Variants in RNF213 observed in about 807,000 individuals in gnomAD.
RNF213 encodes ring finger protein 213.
In RNF213, 341 loss-of-function variants were observed where a neutral mutation model predicts 514.4. That is an observed-to-expected ratio of 0.66 (90% CI 0.61 to 0.73). RNF213 has a LOEUF of 0.73. Among genes scored for constraint, RNF213 ranks in the 30% least tolerant of loss-of-function variants. The pLI, the probability that RNF213 is intolerant of heterozygous loss-of-function variation, is 0.00. For synonymous variants in RNF213, 2,655 were observed against 2,658.2 expected (o/e 1.00, Z 0.04); for missense variants, 5,767 against 6,615.6 (o/e 0.87, Z 4.45).
intron 3 of RNF213, among the ~76,000 whole-genome samples, chr17:80,276,708 C>T (rs2044070002): frequency 6.6e-6 from 1 of 151,888 alleles, no homozygotes; most frequent in Non-Finnish European, 1.5e-5. Flanking sequence ...AAATGTTAAA[C>T]GCTGCAGCCG....
At chr17:80,300,518 G>A (rs8067570) in intron 11 of RNF213, among the ~76,000 whole-genome samples, 32,382 of 151,656 alleles carry the variant, frequency 0.21, 3,941 homozygotes, top group African/African-American at 0.33. Flanking sequence ...TTCTAGGATT[G>A]CAGGCATGAG....
chr17:80,386,527 A>T (rs2080242398), intron 62 of RNF213, 97 bp downstream of exon 62: 2 of 1,458,428 alleles, frequency 1.4e-6, no homozygotes, highest in Admixed American at 1.8e-5. Flanking sequence ...CTTCCCTAAC[A>T]GACACTCACT....
intron 42 of RNF213, chr17:80,365,023 C>A (rs1195386792): frequency 4.3e-6 from 1 of 232,090 alleles, no homozygotes; most frequent in Admixed American, 5.2e-5. Flanking sequence ...ATGCCTGTCA[C>A]TCAACACCCT....
rs747847979 is a variant in RNF213, at chr17:80,385,106, A to C, written c.14390A>C (p.Gln4797Pro). ...GCCTTGCAAAGGGATCTAGTGAAGC[A>C]GTTCCAGAACGTCCAGCAAGTTGAA... is the stretch of plus-strand genomic sequence containing the variant. ...ILALQRDLVK[Q>P]FQNVQQVEYS... The change falls in exon 60 of 68, where the codon CAG (glutamine) becomes CCG (proline). Residue 4797 changes from glutamine (Q) to proline (P), a missense_variant. Physicochemically the swap from Gln to Pro is moderately conservative, Grantham distance 76 (BLOSUM62 -1). Coordinates refer to ENST00000582970, the MANE Select transcript of RNF213 (RefSeq NM_001256071.3). The C allele has an allele frequency of 1.2e-6, 2 of 1,614,196 alleles. No homozygotes were observed. The highest frequency in any genetic ancestry group is 1.7e-6 in the Non-Finnish European group (2 of 1,180,010).
chr17:80,362,719 T>C (rs770054373), intron 39 of RNF213, among the ~76,000 whole-genome samples: 1 of 152,246 alleles, frequency 6.6e-6, no homozygotes, highest in Admixed American at 6.5e-5. Context: ...TGGACAAATA[T>C]TTGGTTCACA....
chr17:80,356,738 C>G (rs908332827), intron 36 of RNF213, among the ~76,000 whole-genome samples: 40 of 152,208 alleles, frequency 2.6e-4, no homozygotes, highest in African/African-American at 9.4e-4. Flanking sequence ...CTTTTGTGTT[C>G]GCGACACTTT....
At position 80,334,195 on chromosome 17, in the gene RNF213, G is replaced by C. The variant is rs771417979; in HGVS notation, c.4234G>C (p.Glu1412Gln). ...CAAAAAGCTGCTCCAGGACATCAGCGAGGCCCGGTGCAAGGGGCTGCAGGC... is the reference window on the plus strand; with the variant it reads ...CAAAAAGCTGCTCCAGGACATCAGCCAGGCCCGGTGCAAGGGGCTGCAGGC... ...QAKKLLQDIS[E>Q]ARCKGLQALS... The change falls in exon 22 of 68, where the codon GAG (glutamate) becomes CAG (glutamine). Residue 1412 changes from glutamate to glutamine, a missense_variant. Around this residue, in one of 13 missense-constraint regions of RNF213, gnomAD observed 516 missense variants for 566.5 expected, o/e 0.91. Coordinates refer to ENST00000582970, the MANE Select transcript of RNF213 (RefSeq NM_001256071.3). 2 of 1,537,098 alleles carry C rather than the reference G, an allele frequency of 1.3e-6. No individual in the cohort carries two copies. Among genetic ancestry groups the C allele is most frequent in the African/African-American group, 2.7e-5 (2 of 73,036 alleles).
At chr17:80,325,976 G>A (rs1599028597) in intron 18 of RNF213, among the ~76,000 whole-genome samples, 3 of 145,104 alleles carry the variant, frequency 2.1e-5, no homozygotes, top group African/African-American at 8.0e-5. Flanking sequence ...TATTTATTTT[G>A]GAGATGGAGT....
chr17:80,292,044 A>C (rs1205028611), intron 8 of RNF213: 1 of 621,022 alleles, frequency 1.6e-6, no homozygotes, highest in Admixed American at 2.6e-5. Context: ...CTTTGAGCTC[A>C]GTGTGACTTA....
Position 80,275,176 on chromosome 17 carries a change from G to A in RNF213, c.261+1772G>A, listed in dbSNP as rs572165338. Among the ~76,000 whole-genome samples, 3 of 149,282 alleles carry A rather than the reference G, an allele frequency of 2.0e-5. No homozygotes were observed. The South Asian group carries it at 6.4e-4, about 32-fold the overall frequency. ...AGTGTGTGTGGGGTGAGTGGGATGT[G>A]TGTGTATGTTGGGGTGTGTGGGAGT... is the stretch of plus-strand genomic sequence containing the variant. On this transcript the variant is annotated intron_variant, in intron 3 of 67. Coordinates refer to ENST00000582970, the MANE Select transcript of RNF213 (RefSeq NM_001256071.3).
chr17:80,271,091 C>T (rs2043805544), intron 2 of RNF213, among the ~76,000 whole-genome samples: 1 of 151,350 alleles, frequency 6.6e-6, no homozygotes, highest in South Asian at 2.1e-4. Context: ...AGTCAGGGCC[C>T]GCCCCTGGTG....
At chr17:80,318,810 T>C (rs879353017) in intron 16 of RNF213, among the ~76,000 whole-genome samples, 2 of 152,044 alleles carry the variant, frequency 1.3e-5, no homozygotes, top group Non-Finnish European at 2.9e-5. Context: ...CCTGACCTCG[T>C]GATCCACCCG....
At chr17:80,384,834 G>A (rs768560978) in intron 59 of RNF213, 32 of 627,222 alleles carry the variant, frequency 5.1e-5, no homozygotes, top group South Asian at 7.2e-5. Flanking sequence ...CCTCTTCGCC[G>A]CCCTCCATTT....
chr17:80,352,892 A>G (rs771270426), intron 32 of RNF213, 48 bp from the exon 33 acceptor site: 1 of 1,613,390 alleles, frequency 6.2e-7, no homozygotes, highest in South Asian at 1.1e-5. Context: ...GCTGAGCAGC[A>G]GCCGGGAAAG....
Position 80,288,927 on chromosome 17 carries a change from G to A in RNF213, c.933+172G>A, listed in dbSNP as rs1213353362. On this transcript the variant is annotated intron_variant, in intron 5 of 67. Coordinates refer to ENST00000582970, the MANE Select transcript of RNF213 (RefSeq NM_001256071.3). This position sits in a 1 kb window ranked among gnomAD's most constrained non-coding sequence, Gnocchi z 4.9. ...CCAGCGGAGAGAGAGTCAGGAAACC[G>A]ACTTCAGCGGTGAGAAGAGCGTGGA... Among the ~76,000 whole-genome samples, 1 of 152,228 alleles carries A rather than the reference G, an allele frequency of 6.6e-6. No homozygotes were observed. The highest frequency in any genetic ancestry group is 1.5e-5 in the Non-Finnish European group (1 of 68,038).
chr17:80,290,965 C>T (rs773373096), intron 7 of RNF213, among the ~76,000 whole-genome samples: 1 of 152,020 alleles, frequency 6.6e-6, no homozygotes, highest in Non-Finnish European at 1.5e-5. Context: ...TGTACCACCA[C>T]GCCTGGCTAA....
chr17:80,371,140 C>G (rs529769101), intron 46 of RNF213, among the ~76,000 whole-genome samples: 2 of 152,128 alleles, frequency 1.3e-5, no homozygotes, highest in Admixed American at 1.3e-4. Flanking sequence ...AGAAAAAAAT[C>G]TATTTAAAGT....
At chr17:80,271,729 A>C (rs1283967569) in intron 2 of RNF213, among the ~76,000 whole-genome samples, 1 of 152,232 alleles carries the variant, frequency 6.6e-6, no homozygotes, top group Non-Finnish European at 1.5e-5. Flanking sequence ...CTGTAATCCC[A>C]GCACTTTGGG....
At chr17:80,282,315 T>C (rs1352467268) in intron 3 of RNF213, among the ~76,000 whole-genome samples, 1 of 152,228 alleles carries the variant, frequency 6.6e-6, no homozygotes, top group Non-Finnish European at 1.5e-5. Context: ...CAGTATTTTC[T>C]GTCTGTGGTT....
Sources: gnomAD v4.1 joint callset for allele counts (sites outside exome capture counted in the v4.1 genomes callset) on GRCh38, gnomAD v4.1.1 for gene constraint, gnomAD v4.1.1 regional missense constraint, Gnocchi (gnomAD v3.1) non-coding constraint, MANE v1.5 for transcripts, NCBI Gene and HGNC (gene_info 2026-07-23, HGNC 2026-07-21) for gene names.